Variants in SP140 observed in about 807,000 individuals in gnomAD.
SP140 encodes nuclear body protein SP140.
A neutral mutation model predicts 125.0 loss-of-function variants in SP140; 81 were observed. The ratio of observed to expected loss-of-function variants is 0.65; its 90% CI spans 0.54 to 0.78. The LOEUF (loss-of-function observed/expected upper bound fraction) is 0.78, where lower values mean the gene tolerates loss of function less well. Among genes scored for constraint, SP140 ranks in the 30% least tolerant of loss-of-function variants. The pLI is 0.00. For synonymous variants in SP140, 312 were observed against 354.0 expected (o/e 0.88, Z 1.33); for missense variants, 858 against 1,037.0 (o/e 0.83, Z 2.37).
At chr2:230,289,009 T>C (rs961138206) in intron 18 of SP140, among the ~76,000 whole-genome samples, 1 of 152,166 alleles carries the variant, frequency 6.6e-6, no homozygotes, top group Non-Finnish European at 1.5e-5. Flanking sequence ...GGTCAAATGG[T>C]ATTTCTGGTT....
intron 22 of SP140, among the ~76,000 whole-genome samples, chr2:230,306,735 G>A (rs62192162): frequency 0.011 from 1,692 of 152,350 alleles, 16 homozygotes; most frequent in Middle Eastern, 0.024. Flanking sequence ...GATTTTGGGT[G>A]CTGACGATCA....
chr2:230,270,060 A>G (rs2053700739), intron 14 of SP140, 107 bp downstream of exon 14: 1 of 739,600 alleles, frequency 1.4e-6, no homozygotes, highest in African/African-American at 1.8e-5. Context: ...TATTCTCCGC[A>G]TTTGCTTGAC....
intron 3 of SP140, chr2:230,216,632 C>T: frequency 1.1e-6 from 1 of 929,010 alleles, no homozygotes; most frequent in Non-Finnish European, 1.7e-6. Flanking sequence ...CACCCTCTCT[C>T]CTAACTACCC....
In SP140 at chr2:230,211,461, C is replaced by A. The variant is rs201731985; in HGVS notation, c.-322-2193C>A. The A allele has an allele frequency of 6.0e-5, 94 of 1,565,924 alleles. No individual in the cohort carries two copies. Among genetic ancestry groups the A allele is most frequent in the Non-Finnish European group, 7.7e-5 (87 of 1,136,226 alleles). On this transcript the variant is annotated intron_variant, in intron 1 of 4. Transcript: ENST00000456542. The surrounding 1 kb of genome is among the most constrained non-coding windows in gnomAD (Gnocchi z 4.2). ...AGGCAAGCTTTTAGGTTGACCAAAC[C>A]AAGATTACCTGGCATAGAGCCCAAG...
the SP140 span, among the ~76,000 whole-genome samples, chr2:230,189,478 T>C: frequency 6.6e-6 from 1 of 152,234 alleles, no homozygotes; most frequent in South Asian, 2.1e-4. Context: ...AATTTCCATT[T>C]ATTTGTTATG....
At chr2:230,251,169 G>A (rs1305679399) in intron 10 of SP140, 108 bp downstream of exon 10, 2 of 877,488 alleles carry the variant, frequency 2.3e-6, no homozygotes, top group Admixed American at 2.5e-5. Flanking sequence ...CACAGTGAAA[G>A]AATGCAATTA....
At chr2:230,263,280 C>G (rs1179951394) in intron 12 of SP140, among the ~76,000 whole-genome samples, 1 of 152,126 alleles carries the variant, frequency 6.6e-6, no homozygotes. Flanking sequence ...AATAGCTACC[C>G]CTGCTTGCTT....
chr2:230,244,882 A>G (rs1267862766), intron 5 of SP140, 106 bp from the exon 6 acceptor site: 2 of 740,360 alleles, frequency 2.7e-6, no homozygotes, highest in Non-Finnish European at 4.6e-6. Context: ...CCTTGGAGCA[A>G]TAGTGTTTTT....
intron 4 of SP140, 52 bp downstream of exon 4, chr2:230,241,539 C>T (rs1466899427): frequency 9.3e-7 from 1 of 1,071,176 alleles, no homozygotes; most frequent in Non-Finnish European, 1.5e-6. Flanking sequence ...GCTTCCTTGC[C>T]TTCATGGAGG....
At position 230,312,977 on chromosome 2, in the gene SP140, GACA is replaced by G. The variant is rs1298838573; in HGVS notation, c.*297_*299del. Reference sequence around the variant, plus strand: ...ACCTCTTCTCCTGAGGGCTGCTCCAGACAACATTTATTACCCAGAAGACCTTTT... The same window carrying G: ...ACCTCTTCTCCTGAGGGCTGCTCCAGACATTTATTACCCAGAAGACCTTTT... On this transcript the variant is annotated 3_prime_UTR_variant, in exon 27 of 27. Coordinates refer to ENST00000392045, the MANE Select transcript of SP140 (RefSeq NM_007237.5). The G allele has an allele frequency of 3.3e-6, 1 of 299,694 alleles. No homozygotes were observed. Among genetic ancestry groups the G allele is most frequent in the African/African-American group, 2.3e-5 (1 of 43,460 alleles). 18.6% of individuals were successfully genotyped at this position (299,694 alleles called of 1,614,324 possible).
chr2:230,220,022 AAAG>A (rs2045667667), intron 3 of SP140: 1 of 985,482 alleles, frequency 1.0e-6, no homozygotes, highest in Non-Finnish European at 1.2e-6. Context: ...GCTTCCGAGA[AAAG>A]AAAAGTGAAA....
chr2:230,310,141 G>A (rs1033277000), intron 23 of SP140, 102 bp downstream of exon 23: 3 of 1,140,142 alleles, frequency 2.6e-6, no homozygotes, highest in African/African-American at 1.5e-5. Flanking sequence ...GATGGGGAAA[G>A]AGCAGGTTCA....
chr2:230,216,637 C>T, intron 3 of SP140: 1 of 968,924 alleles, frequency 1.0e-6, no homozygotes, highest in Non-Finnish European at 1.6e-6. Flanking sequence ...TCTCTCCTAA[C>T]TACCCCCACC....
chr2:230,210,114 G>C, intron 1 of SP140: 1 of 791,076 alleles, frequency 1.3e-6, no homozygotes, highest in Non-Finnish European at 2.3e-6. Flanking sequence ...ATGCAGCCCA[G>C]GGCCGGGAAT....
intron 22 of SP140, among the ~76,000 whole-genome samples, chr2:230,304,724 G>T (rs1373793326): frequency 6.6e-6 from 1 of 152,200 alleles, no homozygotes; most frequent in Non-Finnish European, 1.5e-5. Context: ...GAATGAAATT[G>T]AATCCTCATC....
Position 230,312,571 on chromosome 2 carries a change from T to C in SP140, c.2506-15T>C. 2 of 1,554,630 alleles carry C rather than the reference T, an allele frequency of 1.3e-6. No individual in the cohort carries two copies. Among genetic ancestry groups the C allele is most frequent in the Non-Finnish European group, 8.9e-7 (1 of 1,128,642 alleles). ...ATGATGAGGAGCATTGTTTTTGTCT[T>C]TATTATTTTTTCAGTACAAGGATTT... On this transcript the variant is annotated splice_polypyrimidine_tract_variant and intron_variant, in intron 26 of 26. Coordinates refer to ENST00000392045, the MANE Select transcript of SP140 (RefSeq NM_007237.5).
intron 1 of SP140, among the ~76,000 whole-genome samples, chr2:230,227,410 A>C (rs1034746579): frequency 6.6e-6 from 1 of 152,236 alleles, no homozygotes; most frequent in Non-Finnish European, 1.5e-5. Context: ...AGAAGACGGC[A>C]CTGAGAGGTG....
chr2:230,219,895 C>T, intron 3 of SP140: 4 of 985,072 alleles, frequency 4.1e-6, no homozygotes, highest in Non-Finnish European at 4.8e-6. Flanking sequence ...GTTTGTCGTT[C>T]CTGCCCCTTT....
At chr2:230,190,470 G>A in the SP140 span, among the ~76,000 whole-genome samples, 2 of 151,402 alleles carry the variant, frequency 1.3e-5, no homozygotes, top group African/African-American at 4.8e-5. Flanking sequence ...TTTGTCAGAT[G>A]GGTGGATTGC....
Sources: allele counts gnomAD v4.1 joint callset (sites outside exome capture counted in the v4.1 genomes callset), GRCh38; gene constraint gnomAD v4.1.1; non-coding constraint Gnocchi (gnomAD v3.1); transcripts MANE v1.5; gene names NCBI Gene and HGNC (gene_info 2026-07-23, HGNC 2026-07-21).